The following QTMAN variants were observed in gnomAD, a reference collection of about 807,000 sequenced individuals.
The protein encoded by QTMAN is queuosine-tRNA mannosyltransferase, also known as tRNA-queuosine alpha-mannosyltransferase.
chr2:144,104,437 C>T, the QTMAN span, among the ~76,000 whole-genome samples: 1 of 152,200 alleles, frequency 6.6e-6, no homozygotes, highest in Admixed American at 6.5e-5. Context: ...AAGGTCTTAG[C>T]AAACGGCACA....
At chr2:144,281,525 T>C in the QTMAN span, among the ~76,000 whole-genome samples, 2 of 152,052 alleles carry the variant, frequency 1.3e-5, no homozygotes, top group Admixed American at 6.6e-5. Flanking sequence ...AGTGGTGTTA[T>C]GGGCTGAACT....
the QTMAN span, among the ~76,000 whole-genome samples, chr2:144,053,248 A>T: frequency 2.8e-4 from 43 of 152,352 alleles, no homozygotes; most frequent in African/African-American, 9.9e-4. Context: ...TATATGTACC[A>T]GATCACAGTG....
chr2:144,025,896 T>C, the QTMAN span, among the ~76,000 whole-genome samples: 3 of 152,216 alleles, frequency 2.0e-5, no homozygotes, highest in Non-Finnish European at 4.4e-5. Context: ...ACCGGTCTAT[T>C]GAACAGGTTG....
chr2:144,274,411 G>A, the QTMAN span, among the ~76,000 whole-genome samples: 12 of 152,178 alleles, frequency 7.9e-5, no homozygotes, highest in African/African-American at 2.7e-4. Context: ...CCTCAGGATG[G>A]GGGCTGGTTG....
chr2:144,124,290 T>C, the QTMAN span, among the ~76,000 whole-genome samples: 1 of 152,180 alleles, frequency 6.6e-6, no homozygotes, highest in Non-Finnish European at 1.5e-5. Context: ...CATCAAAGTT[T>C]AACTTATGGT....
At chr2:144,188,735 A>G in the QTMAN span, among the ~76,000 whole-genome samples, 1 of 149,924 alleles carries the variant, frequency 6.7e-6, no homozygotes, top group Non-Finnish European at 1.5e-5. Context: ...TGAATATTTA[A>G]ATCCCTCAAA....
the QTMAN span, among the ~76,000 whole-genome samples, chr2:144,156,283 A>T: frequency 6.6e-6 from 1 of 152,136 alleles, no homozygotes; most frequent in Non-Finnish European, 1.5e-5. Flanking sequence ...CCTCCCCACA[A>T]ATAACTTAGT....
chr2:144,048,508 T>A, the QTMAN span, among the ~76,000 whole-genome samples: 1 of 151,990 alleles, frequency 6.6e-6, no homozygotes, highest in Non-Finnish European at 1.5e-5. Context: ...AAAACAATAA[T>A]TACACAAATA....
At chr2:144,106,578 C>A in the QTMAN span, among the ~76,000 whole-genome samples, 2 of 152,150 alleles carry the variant, frequency 1.3e-5, no homozygotes, top group Non-Finnish European at 2.9e-5. Flanking sequence ...TATATGCACC[C>A]AATACAGGAG....
At chr2:144,121,133 G>C in the QTMAN span, among the ~76,000 whole-genome samples, 3 of 152,254 alleles carry the variant, frequency 2.0e-5, no homozygotes, top group South Asian at 4.2e-4. Context: ...GAGACTCAGA[G>C]CCATTGAATG....
At chr2:144,288,845 C>T in the QTMAN span, among the ~76,000 whole-genome samples, 5 of 152,066 alleles carry the variant, frequency 3.3e-5, no homozygotes, top group Non-Finnish European at 7.4e-5. Flanking sequence ...TACACTACTA[C>T]ACCCCAAGCC....
chr2:144,149,972 A>C, the QTMAN span, among the ~76,000 whole-genome samples: 3 of 152,036 alleles, frequency 2.0e-5, no homozygotes, highest in Non-Finnish European at 4.4e-5. Flanking sequence ...AAGTGAAATG[A>C]GTAACAGAAG....
At chr2:144,137,546 A>T in the QTMAN span, among the ~76,000 whole-genome samples, 1 of 152,082 alleles carries the variant, frequency 6.6e-6, no homozygotes, top group African/African-American at 2.4e-5. Flanking sequence ...AAATCAGATA[A>T]TCAAGACTTC....
the QTMAN span, among the ~76,000 whole-genome samples, chr2:144,282,565 T>C: frequency 2.0e-5 from 3 of 152,016 alleles, no homozygotes; most frequent in East Asian, 5.8e-4. Flanking sequence ...GGCATCAGCA[T>C]CACAGAGATC....
At chr2:144,284,988 C>T in the QTMAN span, among the ~76,000 whole-genome samples, 271 of 140,872 alleles carry the variant, frequency 1.9e-3, no homozygotes, top group African/African-American at 7.2e-3. Flanking sequence ...CTCCCGTAGT[C>T]CCAGATACTC....
chr2:143,952,158 C>T, the QTMAN span: 1 of 796,690 alleles, frequency 1.3e-6, no homozygotes, highest in Non-Finnish European at 2.2e-6. Context: ...ATTAAAAATG[C>T]ATATTGCTCT....
At chr2:144,217,144 C>T in the QTMAN span, among the ~76,000 whole-genome samples, 8 of 152,088 alleles carry the variant, frequency 5.3e-5, no homozygotes, top group East Asian at 3.9e-4. Flanking sequence ...CATTCGGATA[C>T]GAATGCCCAA....
At chr2:144,254,009 G>A in the QTMAN span, among the ~76,000 whole-genome samples, 2 of 152,226 alleles carry the variant, frequency 1.3e-5, no homozygotes, top group African/African-American at 4.8e-5. Context: ...TGTCCCAGCT[G>A]CTCCAGCCAT....
At chr2:144,139,410 A>G in the QTMAN span, among the ~76,000 whole-genome samples, 1 of 152,050 alleles carries the variant, frequency 6.6e-6, no homozygotes, top group African/African-American at 2.4e-5. Flanking sequence ...TCCTAGGTAC[A>G]TGGTATACAT....
Sources: gnomAD v4.1 joint callset for allele counts (sites outside exome capture counted in the v4.1 genomes callset) on GRCh38, gnomAD v4.1.1 for gene constraint, MANE v1.5 for transcripts, NCBI Gene and HGNC (gene_info 2026-07-23, HGNC 2026-07-21) for gene names.